Variants in PLXDC2 observed in about 807,000 individuals in gnomAD.
PLXDC2 encodes plexin domain-containing protein 2.
Under a neutral mutation model 68.9 loss-of-function variants are expected in PLXDC2, and 40 were observed. That is an observed-to-expected ratio of 0.58 (90% CI 0.45 to 0.76). The LOEUF is 0.76. Ranked by LOEUF, PLXDC2 falls within the 30% of genes least tolerant of loss-of-function variation. The pLI is 0.00. For synonymous variants in PLXDC2, 243 were observed against 234.2 expected, an observed-to-expected ratio of 1.04 and a Z score of -0.34; for missense variants, 644 against 661.9, an observed-to-expected ratio of 0.97 and a Z score of 0.30.
In PLXDC2 at chr10:20,047,123, G is replaced by A; in HGVS notation, c.471+108G>A. ...GAGTTTGATAATTAAATATTAGAAT[G>A]GCCTTATCTGTGGTAATCGCTTTTC... On this transcript the variant is annotated intron_variant, in intron 3 of 13. Coordinates refer to ENST00000377252, the MANE Select transcript of PLXDC2 (RefSeq NM_032812.9). 5 of 1,155,090 alleles carry A rather than the reference G, an allele frequency of 4.3e-6. No homozygotes were observed. In the South Asian group the frequency reaches 1.0e-4, roughly 23 times the overall value. 71.6% of individuals were successfully genotyped at this position (1,155,090 alleles called of 1,614,324 possible). A position where few individuals can be genotyped will look rare whatever the true frequency, so the allele number is the denominator to read the frequency against.
intron 4 of PLXDC2, among the ~76,000 whole-genome samples, chr10:20,102,613 G>T (rs1320779893): frequency 6.6e-6 from 1 of 152,164 alleles, no homozygotes; most frequent in Non-Finnish European, 1.5e-5. Context: ...GTCCAGGGTG[G>T]TTTTAAGGAT....
intron 1 of PLXDC2, among the ~76,000 whole-genome samples, chr10:19,907,929 A>G (rs1300012009): frequency 6.6e-6 from 1 of 152,156 alleles, no homozygotes; most frequent in Non-Finnish European, 1.5e-5. Flanking sequence ...TCAGACCCTC[A>G]CTGGTACCAC....
chr10:20,184,112 T>A (rs549757155), intron 9 of PLXDC2, among the ~76,000 whole-genome samples: 2 of 151,876 alleles, frequency 1.3e-5, no homozygotes, highest in South Asian at 4.1e-4. Flanking sequence ...TGGGAAAAAA[T>A]ATGAGATGAT....
chr10:20,031,782 A>G (rs1835504525), intron 2 of PLXDC2, among the ~76,000 whole-genome samples: 1 of 151,414 alleles, frequency 6.6e-6, no homozygotes, highest in Admixed American at 6.6e-5. Context: ...ACAGAATTGG[A>G]CACAATACAG....
chr10:19,927,575 G>A lies in PLXDC2; in HGVS notation c.113-74200G>A, dbSNP rs902241378. Among the ~76,000 whole-genome samples, 9 of 151,828 alleles carry A rather than the reference G, an allele frequency of 5.9e-5. 1 individual carries two copies. In the South Asian group the frequency reaches 1.7e-3, roughly 28 times the overall value. Reference sequence around the variant, plus strand: ...AAATTAGCTGGGCGTGGTGGCGCATGGCTATAGTCCCAGCTACTCGGGAGG... The same window carrying A: ...AAATTAGCTGGGCGTGGTGGCGCATAGCTATAGTCCCAGCTACTCGGGAGG... On this transcript the variant is annotated intron_variant, in intron 1 of 13. Transcript: ENST00000377252.
intron 1 of PLXDC2, among the ~76,000 whole-genome samples, chr10:19,841,608 C>T (rs1836909242): frequency 6.8e-6 from 1 of 147,982 alleles, no homozygotes. Context: ...ATTTTGGTCA[C>T]TAGCTGTGAC....
chr10:20,154,754 ACT>A, intron 6 of PLXDC2, among the ~76,000 whole-genome samples: 1 of 150,876 alleles, frequency 6.6e-6, no homozygotes, highest in South Asian at 2.1e-4. Context: ...GGTGGATGTG[ACT>A]CTTTTTTTGT....
intron 4 of PLXDC2, among the ~76,000 whole-genome samples, chr10:20,127,489 T>A (rs1368049817): frequency 1.3e-5 from 2 of 152,180 alleles, no homozygotes; most frequent in Non-Finnish European, 2.9e-5. Context: ...TGCTATGTAA[T>A]ATTTTTACTT....
chr10:20,177,887 A>G (rs952877498), intron 9 of PLXDC2, among the ~76,000 whole-genome samples: 3 of 139,984 alleles, frequency 2.1e-5, no homozygotes, highest in Non-Finnish European at 1.5e-5. Context: ...GTATTTTACT[A>G]TTTTCCTTTG....
chr10:20,184,992 C>T (rs1019112324), intron 9 of PLXDC2, among the ~76,000 whole-genome samples: 9 of 151,348 alleles, frequency 5.9e-5, no homozygotes, highest in African/African-American at 2.2e-4. Context: ...ACACTGGGAC[C>T]CGTCAGGGGA....
At chr10:20,218,879 A>T (rs1835174407) in intron 11 of PLXDC2, among the ~76,000 whole-genome samples, 185 bp from the exon 12 acceptor site, 1 of 152,162 alleles carries the variant, frequency 6.6e-6, no homozygotes, top group Non-Finnish European at 1.5e-5. Context: ...CTCTGTAGGA[A>T]ATTTTAGAAC....
rs187857635 is a variant in PLXDC2, at chr10:20,046,087, A to G, written c.325-782A>G. Among the ~76,000 whole-genome samples, 594 of 152,312 alleles carry G rather than the reference A, an allele frequency of 3.9e-3. 6 individuals carry two copies. Among genetic ancestry groups the G allele is most frequent in the Middle Eastern group, 0.01 (3 of 292 alleles). On this transcript the variant is annotated intron_variant, in intron 2 of 13. Transcript: ENST00000377252. Reference sequence around the variant, plus strand: ...TATTGTGTCCATTTCTAGGACCATTAGCTGAAAGCAGGCCCTGATATAACC... The same window carrying G: ...TATTGTGTCCATTTCTAGGACCATTGGCTGAAAGCAGGCCCTGATATAACC...
At chr10:19,970,338 G>C (rs1270396224) in intron 1 of PLXDC2, among the ~76,000 whole-genome samples, 1 of 152,168 alleles carries the variant, frequency 6.6e-6, no homozygotes, top group African/African-American at 2.4e-5. Flanking sequence ...GAGGCTGAAT[G>C]TTTTTAAAGT....
At chr10:20,097,321 C>T (rs979905606) in intron 4 of PLXDC2, among the ~76,000 whole-genome samples, 1 of 152,022 alleles carries the variant, frequency 6.6e-6, no homozygotes, top group African/African-American at 2.4e-5. Context: ...TGAAAATAGC[C>T]CATGTCGTGT....
chr10:20,078,808 G>T (rs1805949355), intron 4 of PLXDC2, among the ~76,000 whole-genome samples: 1 of 152,002 alleles, frequency 6.6e-6, no homozygotes, highest in Non-Finnish European at 1.5e-5. Context: ...AACACTATTT[G>T]TCAGAGTTTA....
At chr10:20,068,381 C>T (rs1836253337) in intron 4 of PLXDC2, 142 bp downstream of exon 4, 1 of 741,452 alleles carries the variant, frequency 1.3e-6, no homozygotes, top group African/African-American at 1.8e-5. Context: ...ATAAATAAAA[C>T]CAAAGAAAGG....
intron 12 of PLXDC2, among the ~76,000 whole-genome samples, chr10:20,242,572 A>T (rs951079809): frequency 2.0e-5 from 3 of 152,086 alleles, no homozygotes; most frequent in Admixed American, 1.3e-4. Flanking sequence ...ACCTATTTCC[A>T]AAAGCCTTTA....
intron 13 of PLXDC2, among the ~76,000 whole-genome samples, chr10:20,271,247 T>G (rs1193710595): frequency 6.6e-6 from 1 of 151,512 alleles, no homozygotes; most frequent in Non-Finnish European, 1.5e-5. Flanking sequence ...CAGGCAGCAG[T>G]GTAAAGTGCT....
chr10:19,972,974 A>G (rs1174644676), intron 1 of PLXDC2, among the ~76,000 whole-genome samples: 1 of 152,148 alleles, frequency 6.6e-6, no homozygotes, highest in African/African-American at 2.4e-5. Context: ...TTGCTAAAGG[A>G]AAAACCTATT....
Sources: gnomAD v4.1 joint callset for allele counts (sites outside exome capture counted in the v4.1 genomes callset) on GRCh38, gnomAD v4.1.1 for gene constraint, MANE v1.5 for transcripts, NCBI Gene and HGNC (gene_info 2026-07-23, HGNC 2026-07-21) for gene names.